The following RGS6 variants were observed in gnomAD, a reference collection of about 807,000 sequenced individuals.
RGS6 encodes regulator of G-protein signaling 6.
Under a neutral mutation model 78.5 loss-of-function variants are expected in RGS6, and 30 were observed. The observed-to-expected ratio is 0.38, with a 90% CI of 0.29 to 0.52. The LOEUF is 0.52. Among genes scored for constraint, RGS6 ranks in the 20% least tolerant of loss-of-function variants. The pLI is 0.85. For synonymous variants in RGS6, 206 were observed against 206.0 expected, an observed-to-expected ratio of 1.00 and a Z score of 0.00; for missense variants, 495 against 609.7, an observed-to-expected ratio of 0.81 and a Z score of 1.98.
intron 1 of RGS6, among the ~76,000 whole-genome samples, chr14:71,964,335 T>G (rs2093387653): frequency 2.0e-5 from 3 of 152,092 alleles, no homozygotes; most frequent in Non-Finnish European, 4.4e-5. Flanking sequence ...GGAGAAACCC[T>G]GTCTCTACTA....
At chr14:71,930,611 T>G (rs2087797607), upstream of RGS6, among the ~76,000 whole-genome samples, 1 of 152,152 alleles carries the variant, frequency 6.6e-6, no homozygotes, top group African/African-American at 2.4e-5. Context: ...CTGATGAGCC[T>G]GGAGCCTGCT....
At chr14:72,409,408 T>C (rs2153044090) in intron 3 of RGS6, among the ~76,000 whole-genome samples, 1 of 152,244 alleles carries the variant, frequency 6.6e-6, no homozygotes, top group South Asian at 2.1e-4. Context: ...GATGGTAACT[T>C]CTCTAGTTTC....
At chr14:72,503,565 A>C (rs1030762933) in intron 13 of RGS6, among the ~76,000 whole-genome samples, 1 of 145,470 alleles carries the variant, frequency 6.9e-6, no homozygotes, top group Non-Finnish European at 1.5e-5. Context: ...AGACATTTTC[A>C]TTCAAAAAGA....
At chr14:72,529,123 A>T (rs753979172) in intron 15 of RGS6, among the ~76,000 whole-genome samples, 69 of 152,348 alleles carry the variant, frequency 4.5e-4, no homozygotes, top group Non-Finnish European at 7.3e-4. Flanking sequence ...GGATCATCAA[A>T]GGCTGCATTT....
At chr14:72,354,719 A>G (rs2079891621) in intron 3 of RGS6, among the ~76,000 whole-genome samples, 1 of 152,088 alleles carries the variant, frequency 6.6e-6, no homozygotes, top group Non-Finnish European at 1.5e-5. Context: ...AAACTCCCCC[A>G]AAGGACTCCT....
At chr14:72,376,655 A>T (rs2084800523) in intron 3 of RGS6, among the ~76,000 whole-genome samples, 1 of 152,210 alleles carries the variant, frequency 6.6e-6, no homozygotes, top group African/African-American at 2.4e-5. Flanking sequence ...CATGTAGGCC[A>T]GGAAAGAATA....
At chr14:72,424,467 C>T (rs1489323619) in intron 3 of RGS6, among the ~76,000 whole-genome samples, 1 of 152,022 alleles carries the variant, frequency 6.6e-6, no homozygotes, top group Admixed American at 6.6e-5. Context: ...TTCTGAGATG[C>T]CGTTCTGTTG....
At chr14:72,195,591 G>A (rs1314383638) in intron 2 of RGS6, among the ~76,000 whole-genome samples, 5 of 152,270 alleles carry the variant, frequency 3.3e-5, no homozygotes, top group East Asian at 1.9e-4. Flanking sequence ...AAAATGAGGC[G>A]CTTGAACGAA....
At chr14:72,459,750 A>G in intron 6 of RGS6, 67 bp downstream of exon 6, 2 of 1,510,638 alleles carry the variant, frequency 1.3e-6, no homozygotes, top group African/African-American at 1.4e-5. Context: ...GGTGCAGAAG[A>G]CAAATGCTTG....
chr14:72,426,889 C>T (rs1157386160), intron 3 of RGS6, among the ~76,000 whole-genome samples: 3 of 152,234 alleles, frequency 2.0e-5, no homozygotes, highest in Non-Finnish European at 4.4e-5. Flanking sequence ...AGAAGCAACA[C>T]TATGAAACTG....
intron 4 of RGS6, among the ~76,000 whole-genome samples, chr14:72,455,031 C>G (rs2095594383): frequency 6.6e-6 from 1 of 152,046 alleles, no homozygotes; most frequent in Non-Finnish European, 1.5e-5. Flanking sequence ...TTGCGCATTT[C>G]AATTAGGAAG....
chr14:72,340,385 A>C (rs1748758426), intron 2 of RGS6, among the ~76,000 whole-genome samples: 1 of 152,142 alleles, frequency 6.6e-6, no homozygotes, highest in Admixed American at 6.5e-5. Flanking sequence ...GAGGCTCCTT[A>C]GGGCAGGTTT....
intron 2 of RGS6, among the ~76,000 whole-genome samples, chr14:72,176,692 A>G (rs924170035): frequency 4.0e-4 from 61 of 152,208 alleles, no homozygotes; most frequent in Admixed American, 2.3e-3. Context: ...AAAATATTTG[A>G]ATCTACCTGA....
chr14:72,231,879 A>G lies in RGS6; in HGVS notation c.85-120216A>G, dbSNP rs376496774. Among the ~76,000 whole-genome samples, 6 of 152,054 alleles carry G rather than the reference A, an allele frequency of 3.9e-5. No homozygotes were observed. In the East Asian group the frequency reaches 5.8e-4, roughly 15 times the overall value. On this transcript the variant is annotated intron_variant, in intron 2 of 17. Transcript: ENST00000553525. ...TGAACTGGGATAGGTTGCAACAAGGAGCCATGTTGGGTGTGGTGGGTCATT... is the reference window on the plus strand; with the variant it reads ...TGAACTGGGATAGGTTGCAACAAGGGGCCATGTTGGGTGTGGTGGGTCATT...
At chr14:72,192,677 G>A (rs943491508) in intron 2 of RGS6, among the ~76,000 whole-genome samples, 3 of 152,146 alleles carry the variant, frequency 2.0e-5, no homozygotes, top group Non-Finnish European at 2.9e-5. Flanking sequence ...GGGTTTAAGC[G>A]CCACAATAAA....
chr14:72,175,851 A>G (rs1450403479), intron 2 of RGS6, among the ~76,000 whole-genome samples: 1 of 152,004 alleles, frequency 6.6e-6, no homozygotes, highest in Non-Finnish European at 1.5e-5. Context: ...AGGGGAAGGG[A>G]TTGAGGAAAC....
At chr14:72,115,184 G>A (rs11850582) in intron 2 of RGS6, among the ~76,000 whole-genome samples, 12,787 of 152,136 alleles carry the variant, frequency 0.084, 1,380 homozygotes, top group African/African-American at 0.25. Flanking sequence ...CCTAGCGCTC[G>A]CTCAGGGTTT....
chr14:71,945,941 A>G (rs569105713), intron 1 of RGS6, among the ~76,000 whole-genome samples: 47 of 152,306 alleles, frequency 3.1e-4, no homozygotes, highest in Non-Finnish European at 6.8e-4. Context: ...TAAATAACAT[A>G]TGCAATATAT....
At chr14:72,203,090 T>G (rs1380767943) in intron 2 of RGS6, among the ~76,000 whole-genome samples, 1 of 152,122 alleles carries the variant, frequency 6.6e-6, no homozygotes, top group Non-Finnish European at 1.5e-5. Flanking sequence ...TTAGCCAGGA[T>G]GGTCTCGATC....
Sources: allele counts gnomAD v4.1 joint callset (sites outside exome capture counted in the v4.1 genomes callset), GRCh38; gene constraint gnomAD v4.1.1; transcripts MANE v1.5; gene names NCBI Gene and HGNC (gene_info 2026-07-23, HGNC 2026-07-21).